The following BTD variants were observed in gnomAD, a reference collection of about 807,000 sequenced individuals.
The protein encoded by BTD is biocytinase.
In BTD, 13 loss-of-function variants were observed where a neutral mutation model predicts 17.7. The observed-to-expected ratio is 0.74, with a 90% CI of 0.48 to 1.17. The LOEUF (loss-of-function observed/expected upper bound fraction) is 1.17, where lower values mean the gene tolerates loss of function less well. BTD is among the 50% of genes most tolerant of loss of function. The pLI, the probability that BTD is intolerant of heterozygous loss-of-function variation, is 0.00. For missense variants in BTD, 674 were observed against 650.4 expected, an observed-to-expected ratio of 1.04 and a Z score of -0.39; for synonymous variants, 240 against 245.2, an observed-to-expected ratio of 0.98 and a Z score of 0.20.
rs928924617 is a variant in BTD at position 15,647,931 on chromosome 3, G to A, written c.*2443G>A. On this transcript the variant is annotated 3_prime_UTR_variant, in exon 4 of 4. Coordinates refer to ENST00000643237, the MANE Select transcript of BTD (RefSeq NM_001370658.1). ...ACCAGGCCTCCTCACAGACTGCCAA[G>A]TCCCAGAGCCCACCATGTCTGCTCT... Among the ~76,000 whole-genome samples the A allele has an allele frequency of 1.1e-4, 17 of 152,198 alleles. No homozygotes were observed. The highest frequency in any genetic ancestry group is 5.9e-5 in the Non-Finnish European group (4 of 68,036).
intron 1 of BTD, among the ~76,000 whole-genome samples, chr3:15,612,402 A>T (rs995191677): frequency 2.6e-5 from 4 of 152,098 alleles, no homozygotes; most frequent in African/African-American, 7.2e-5. Flanking sequence ...TTTCTGGCTT[A>T]TATTTTATTT....
intron 3 of BTD, among the ~76,000 whole-genome samples, chr3:15,703,811 A>G (rs959047556): frequency 6.6e-6 from 1 of 152,232 alleles, no homozygotes; most frequent in Non-Finnish European, 1.5e-5. Flanking sequence ...GGCTAGAGAT[A>G]ACAACCCATA....
chr3:15,685,775 T>C (rs1205357476), intron 3 of BTD, among the ~76,000 whole-genome samples: 1 of 152,240 alleles, frequency 6.6e-6, no homozygotes, highest in African/African-American at 2.4e-5. Context: ...ACATTAATTC[T>C]ACTAAAAGTT....
In BTD at chr3:15,689,067, T is replaced by TA. The variant is rs200885704; in HGVS notation, c.400-20992dup. On this transcript the variant is annotated intron_variant, in intron 3 of 3. Transcript: ENST00000672141. Reference sequence around the variant, plus strand: ...AGGCAGATAATGTTTTAAGTGATGATAGTCTTGTTGTTGGTATTCCCTGAG... The same window carrying TA: ...AGGCAGATAATGTTTTAAGTGATGATAAGTCTTGTTGTTGGTATTCCCTGAG... Among the ~76,000 whole-genome samples, 971 of 152,354 alleles carry TA rather than the reference T, an allele frequency of 6.4e-3. 13 individuals carry two copies. The highest frequency in any genetic ancestry group is 0.022 in the African/African-American group (897 of 41,578).
At chr3:15,610,474 T>C (rs1056663638) in intron 1 of BTD, among the ~76,000 whole-genome samples, 1 of 152,230 alleles carries the variant, frequency 6.6e-6, no homozygotes, top group African/African-American at 2.4e-5. Flanking sequence ...GAGAAATTGC[T>C]GGCCTTTTTT....
chr3:15,697,467 T>C (rs2069797933), intron 3 of BTD: 1 of 152,124 alleles, frequency 6.6e-6, no homozygotes, highest in South Asian at 2.1e-4. Context: ...CCCCAGGAAC[T>C]ATTGAAATAA....
In BTD at chr3:15,675,997, A is replaced by T. The variant is rs1449639997; in HGVS notation, c.399+33940A>T. 3 of 1,607,026 alleles carry T rather than the reference A, an allele frequency of 1.9e-6. No individual in the cohort carries two copies. The South Asian group carries it at 3.3e-5, about 18-fold the overall frequency. ...GCAGCAACATGCAGAGGTCTAGGGG[A>T]AAAAACATGATACATGTACACATAT... On this transcript the variant is annotated intron_variant, in intron 3 of 3. Coordinates refer to the BTD transcript ENST00000672141.
chr3:15,670,888 T>C (rs1270710018), intron 3 of BTD, among the ~76,000 whole-genome samples: 1 of 152,216 alleles, frequency 6.6e-6, no homozygotes, highest in East Asian at 1.9e-4. Flanking sequence ...ATATCGTGAA[T>C]ATTCTTTCAG....
chr3:15,641,278 C>T (rs1368397166), intron 2 of BTD, among the ~76,000 whole-genome samples: 1 of 152,176 alleles, frequency 6.6e-6, no homozygotes, highest in African/African-American at 2.4e-5. Flanking sequence ...TGTTTCCAGG[C>T]TGAGATGAGC....
downstream of BTD, among the ~76,000 whole-genome samples, chr3:15,717,304 G>A (rs1388736722): frequency 2.6e-5 from 4 of 152,078 alleles, no homozygotes; most frequent in Non-Finnish European, 5.9e-5. Flanking sequence ...AAGCCTATAT[G>A]TGGCACTGGA....
chr3:15,707,046 A>G (rs1436145189), intron 3 of BTD, among the ~76,000 whole-genome samples: 1 of 152,244 alleles, frequency 6.6e-6, no homozygotes, highest in African/African-American at 2.4e-5. Context: ...GTGAAGAATC[A>G]AATTATGCTT....
intron 3 of BTD, among the ~76,000 whole-genome samples, chr3:15,699,122 C>T (rs149199963): frequency 0.015 from 2,288 of 152,144 alleles, 28 homozygotes; most frequent in Non-Finnish European, 0.025. Context: ...ACAAACCTGA[C>T]AAAAACTAGC....
chr3:15,644,544 A>G lies in BTD; in HGVS notation c.628A>G (p.Ile210Val). ...CGATGTTCCTCTTAAAGTGGATCTC[A>G]TCACCTTTGATACCCCCTTTGCTGG... ...AFDVPLKVDL[I>V]TFDTPFAGRF... Residue 210 changes from isoleucine to valine, a missense_variant, in exon 4 of 4, where the codon ATC (isoleucine) becomes GTC (valine). Coordinates refer to ENST00000643237, the MANE Select transcript of BTD (RefSeq NM_001370658.1). 6.2e-7 allele frequency: 1 copy of G among 1,614,028 alleles called. No individual in the cohort carries two copies.
rs140144995 is a variant in BTD at position 15,603,090 on chromosome 3, C to G, written c.-17+1196C>G. On this transcript the variant is annotated intron_variant, in intron 1 of 3. Transcript: ENST00000643237. ...TAGAACAGCATGGGAAAAATCCCCT[C>G]CCCATGATTCAGTTACTTCCCACTG... Among the ~76,000 whole-genome samples the G allele has an allele frequency of 1.8e-3, 269 of 152,242 alleles. 2 individuals carry two copies. Among genetic ancestry groups the G allele is most frequent in the Non-Finnish European group, 3.0e-3 (205 of 68,020 alleles).
At chr3:15,683,529 A>G (rs1362037672) in intron 3 of BTD, among the ~76,000 whole-genome samples, 1 of 152,212 alleles carries the variant, frequency 6.6e-6, no homozygotes, top group Non-Finnish European at 1.5e-5. Context: ...GATTTAAGGT[A>G]GTAAAAAACA....
chr3:15,645,264 A>C lies in BTD; in HGVS notation c.1348A>C (p.Thr450Pro). 3 of 1,614,152 alleles carry C rather than the reference A, an allele frequency of 1.9e-6. No homozygotes were observed. The South Asian group carries it at 3.3e-5, about 18-fold the overall frequency. The change falls in exon 4 of 4, where the codon ACC becomes CCC. Residue 450 changes from threonine (T) to proline (P), a missense_variant. Physicochemically the swap from Thr to Pro is conservative, Grantham distance 38. Transcript: ENST00000643237. ...LVRCGGLGFD[T>P]CGQEITEATG... Reference sequence around the variant, plus strand: ...CAGGTGTGGGGGTCTTGGCTTCGACACCTGTGGACAGGAAATCACAGAGGC... The same window carrying C: ...CAGGTGTGGGGGTCTTGGCTTCGACCCCTGTGGACAGGAAATCACAGAGGC...
At chr3:15,694,290 T>G (rs1052691714) in intron 3 of BTD, among the ~76,000 whole-genome samples, 1 of 152,076 alleles carries the variant, frequency 6.6e-6, no homozygotes, top group Non-Finnish European at 1.5e-5. Context: ...TGTGAGCAAC[T>G]AAAGGACCAG....
At position 15,635,605 on chromosome 3, in the gene BTD, C is replaced by G. The variant is rs1275453788; in HGVS notation, c.166C>G (p.Leu56Val). Reference sequence around the variant, plus strand: ...CATCCTGAGTCTGAACCCTCTGGCTCTCATCAGCCGCCAAGAGGCCTTGGA... The same window carrying G: ...CATCCTGAGTCTGAACCCTCTGGCTGTCATCAGCCGCCAAGAGGCCTTGGA... ...PSILSLNPLA[L>V]ISRQEALELM... is the part of the protein sequence containing the mutation. Residue 56 changes from leucine (L) to valine (V), a missense_variant, in exon 2 of 4, where the codon CTC (leucine) becomes GTC (valine). Physicochemically the swap from Leu to Val is conservative, Grantham distance 32 (BLOSUM62 1). Transcript: ENST00000643237. This position sits in a 1 kb window ranked among gnomAD's most constrained non-coding sequence, Gnocchi z 4.1. 2 of 1,614,236 alleles carry G rather than the reference C, an allele frequency of 1.2e-6. No homozygotes were observed. The highest frequency in any genetic ancestry group is 2.2e-5 in the East Asian group (1 of 44,882).
chr3:15,645,503 C>A lies in BTD; in HGVS notation c.*15C>A. 1.2e-6 allele frequency: 2 copies of A among 1,601,068 alleles called. No individual in the cohort carries two copies. The highest frequency in any genetic ancestry group is 1.1e-5 in the South Asian group (1 of 91,024). On this transcript the variant is annotated 3_prime_UTR_variant, in exon 4 of 4. Coordinates refer to ENST00000643237, the MANE Select transcript of BTD (RefSeq NM_001370658.1). ...AGAGGGACTAGGAAAAGTGTGTGGT[C>A]TGTGGGGCGGACTCTGGCCATCATG... is the stretch of plus-strand genomic sequence containing the variant.
Sources: gnomAD v4.1 joint callset for allele counts (sites outside exome capture counted in the v4.1 genomes callset) on GRCh38, gnomAD v4.1.1 for gene constraint, Gnocchi (gnomAD v3.1) non-coding constraint, MANE v1.5 for transcripts, NCBI Gene and HGNC (gene_info 2026-07-23, HGNC 2026-07-21) for gene names.